The following CAST variants were observed in gnomAD, a reference collection of about 807,000 sequenced individuals.
CAST encodes the protein calpastatin, also known as MIR583 host.
A neutral mutation model predicts 119.6 loss-of-function variants in CAST; 76 were observed. That is an observed-to-expected ratio of 0.64 (90% CI 0.53 to 0.77). The LOEUF (loss-of-function observed/expected upper bound fraction) is 0.77, where lower values mean the gene tolerates loss of function less well. Ranked by LOEUF, CAST falls within the 30% of genes least tolerant of loss-of-function variation. CAST has a pLI of 0.00. For missense variants in CAST, 953 were observed against 946.5 expected (o/e 1.01, Z -0.09); for synonymous variants, 319 against 331.6 (o/e 0.96, Z 0.41).
intron 1 of CAST, among the ~76,000 whole-genome samples, chr5:96,543,292 A>G (rs1015110940): frequency 2.6e-5 from 4 of 152,200 alleles, no homozygotes; most frequent in Admixed American, 6.5e-5. Flanking sequence ...ACAGAAAACC[A>G]AGCACCACAT....
chr5:96,534,595 G>C (rs764898670), intron 1 of CAST, among the ~76,000 whole-genome samples: 1 of 150,950 alleles, frequency 6.6e-6, no homozygotes, highest in Non-Finnish European at 1.5e-5. Context: ...CTTGAACCCA[G>C]GAGGCAGAGG....
intron 9 of CAST, among the ~76,000 whole-genome samples, 184 bp downstream of exon 9, chr5:96,731,044 T>G (rs545479868): frequency 1.4e-4 from 21 of 152,282 alleles, no homozygotes; most frequent in African/African-American, 5.1e-4. Context: ...ATTTGTAAAT[T>G]TATATATTCA....
At chr5:96,414,932 A>G in the CAST span, among the ~76,000 whole-genome samples, 3 of 152,196 alleles carry the variant, frequency 2.0e-5, no homozygotes, top group Admixed American at 6.5e-5. Flanking sequence ...CACGATGTAT[A>G]TTTATTTGGT....
intron 1 of CAST, among the ~76,000 whole-genome samples, chr5:96,616,900 T>C (rs1414287656): frequency 2.6e-5 from 4 of 152,020 alleles, no homozygotes; most frequent in Non-Finnish European, 5.9e-5. Context: ...CCAGGACTCT[T>C]TTCTCTGAGT....
chr5:96,002,720 T>G, the CAST span, among the ~76,000 whole-genome samples: 11 of 152,342 alleles, frequency 7.2e-5, no homozygotes, highest in Non-Finnish European at 1.0e-4. Context: ...AGATGCCTAC[T>G]ACATTGGATA....
the CAST span, among the ~76,000 whole-genome samples, chr5:96,240,311 G>A: frequency 7.9e-5 from 12 of 151,646 alleles, no homozygotes; most frequent in East Asian, 2.1e-3. Context: ...GTCTCCCACA[G>A]ACTGAGAGGA....
the CAST span, among the ~76,000 whole-genome samples, chr5:96,165,565 G>T: frequency 3.1e-3 from 479 of 152,074 alleles, 1 homozygote; most frequent in Non-Finnish European, 3.8e-3. Context: ...ATATAAAGAA[G>T]GTATATCATG....
chr5:96,266,241 G>A, the CAST span, among the ~76,000 whole-genome samples: 1 of 152,094 alleles, frequency 6.6e-6, no homozygotes, highest in African/African-American at 2.4e-5. Flanking sequence ...TCCTAATCTG[G>A]CAACAAGAGT....
At chr5:96,462,670 T>C in the CAST span, among the ~76,000 whole-genome samples, 2 of 152,116 alleles carry the variant, frequency 1.3e-5, no homozygotes, top group Non-Finnish European at 2.9e-5. Context: ...GATATTCTGA[T>C]ACATTTGCTA....
chr5:96,369,084 CTT>C, the CAST span, among the ~76,000 whole-genome samples: 1 of 151,590 alleles, frequency 6.6e-6, no homozygotes, highest in Non-Finnish European at 1.5e-5. Context: ...TTCTATATCT[CTT>C]TTTTGGACTT....
the CAST span, among the ~76,000 whole-genome samples, chr5:96,112,915 G>C: frequency 1.3e-5 from 2 of 152,182 alleles, no homozygotes; most frequent in Non-Finnish European, 2.9e-5. Context: ...GATGGAGAGA[G>C]ATAATATCAT....
chr5:96,643,476 G>A (rs372517377), intron 1 of CAST, among the ~76,000 whole-genome samples: 2 of 152,070 alleles, frequency 1.3e-5, no homozygotes, highest in Admixed American at 6.5e-5. Context: ...TGTGGCTCAC[G>A]CCTGTAATCC....
intron 5 of CAST, among the ~76,000 whole-genome samples, chr5:96,727,228 A>G (rs1156311634): frequency 6.6e-6 from 1 of 152,256 alleles, no homozygotes; most frequent in Non-Finnish European, 1.5e-5. Context: ...ATCTTTACAT[A>G]TCTTTGATAT....
intron 1 of CAST, among the ~76,000 whole-genome samples, chr5:96,539,670 C>T (rs1745878612): frequency 6.6e-6 from 1 of 152,114 alleles, no homozygotes. Context: ...GTCTCCTGCC[C>T]TGAACCACTT....
chr5:96,112,232 TG>T, the CAST span, among the ~76,000 whole-genome samples: 63 of 152,208 alleles, frequency 4.1e-4, no homozygotes, highest in African/African-American at 1.5e-3. Context: ...GGAAAGCCAG[TG>T]GGAATATATT....
intron 1 of CAST, among the ~76,000 whole-genome samples, chr5:96,663,875 C>T (rs1407922093): frequency 6.6e-6 from 1 of 150,544 alleles, no homozygotes; most frequent in Non-Finnish European, 1.5e-5. Context: ...GTGTAATATC[C>T]AGTCAAGCTG....
At chr5:96,695,806 C>T (rs777012480) in intron 2 of CAST, 30 bp from the exon 3 acceptor site, 2 of 1,489,412 alleles carry the variant, frequency 1.3e-6, no homozygotes, top group Non-Finnish European at 1.9e-6. Context: ...GTGTTTTCCC[C>T]CATTGAAACT....
the CAST span, among the ~76,000 whole-genome samples, chr5:96,153,672 A>T: frequency 6.6e-6 from 1 of 152,214 alleles, no homozygotes; most frequent in Non-Finnish European, 1.5e-5. Context: ...CTATAAACAT[A>T]CTGATTATTG....
chr5:96,063,968 G>T, the CAST span, among the ~76,000 whole-genome samples: 1 of 152,160 alleles, frequency 6.6e-6, no homozygotes, highest in Non-Finnish European at 1.5e-5. Flanking sequence ...GAGACTGTGA[G>T]TAAGAGCTTC....
Sources: gnomAD v4.1 joint callset for allele counts (sites outside exome capture counted in the v4.1 genomes callset) on GRCh38, gnomAD v4.1.1 for gene constraint, MANE v1.5 for transcripts, NCBI Gene and HGNC (gene_info 2026-07-23, HGNC 2026-07-21) for gene names.